The following MAGI2 variants were observed in gnomAD, a reference collection of about 807,000 sequenced individuals.
MAGI2 encodes the protein membrane associated guanylate kinase, WW and PDZ domain containing 2, also known as membrane-associated guanylate kinase, WW and PDZ domain-containing protein 2.
Under a neutral mutation model 133.3 loss-of-function variants are expected in MAGI2, and 35 were observed. The observed-to-expected ratio is 0.26, with a 90% CI of 0.20 to 0.35. The LOEUF (loss-of-function observed/expected upper bound fraction) is 0.35. Among genes scored for constraint, MAGI2 ranks in the 10% least tolerant of loss-of-function variants. The pLI is 1.00. For missense variants in MAGI2, 1,636 were observed against 1,863.4 expected, an observed-to-expected ratio of 0.88 and a Z score of 2.25; for synonymous variants, 729 against 710.6, an observed-to-expected ratio of 1.03 and a Z score of -0.41.
At chr7:78,488,640 T>C in intron 6 of MAGI2, among the ~76,000 whole-genome samples, 1 of 152,092 alleles carries the variant, frequency 6.6e-6, no homozygotes, top group East Asian at 1.9e-4. Flanking sequence ...ACAGTTGTAC[T>C]ATTATACAGA....
At chr7:79,421,536 A>T (rs1846960253) in intron 1 of MAGI2, among the ~76,000 whole-genome samples, 1 of 151,992 alleles carries the variant, frequency 6.6e-6, no homozygotes, top group African/African-American at 2.4e-5. Flanking sequence ...TACAAAAGGT[A>T]CTGCTTAATG....
intron 13 of MAGI2, among the ~76,000 whole-genome samples, chr7:78,179,497 T>C (rs1212684232): frequency 1.3e-5 from 2 of 152,206 alleles, no homozygotes; most frequent in Non-Finnish European, 2.9e-5. Flanking sequence ...ATGAAAGGCA[T>C]CATTCACTTC....
chr7:78,088,684 G>A (rs1189272321), intron 20 of MAGI2, among the ~76,000 whole-genome samples: 1 of 152,102 alleles, frequency 6.6e-6, no homozygotes, highest in African/African-American at 2.4e-5. Flanking sequence ...GAGCTGTAGC[G>A]GGAAGGAATG....
At chr7:78,979,619 A>G (rs958624310) in intron 2 of MAGI2, among the ~76,000 whole-genome samples, 14 of 151,816 alleles carry the variant, frequency 9.2e-5, no homozygotes, top group African/African-American at 3.4e-4. Flanking sequence ...TTTCTCCCAC[A>G]GTCCCTGGTT....
chr7:79,052,657 C>A (rs1324213904), intron 1 of MAGI2, among the ~76,000 whole-genome samples: 1 of 151,958 alleles, frequency 6.6e-6, no homozygotes, highest in Non-Finnish European at 1.5e-5. Flanking sequence ...ATATTAGAAA[C>A]CTAAGGTAAT....
chr7:78,636,396 G>T (rs1584922596), intron 2 of MAGI2, among the ~76,000 whole-genome samples: 2 of 134,248 alleles, frequency 1.5e-5, no homozygotes, highest in African/African-American at 2.8e-5. Flanking sequence ...TGAATATCTT[G>T]GATATAAAGG....
At chr7:78,139,296 C>T (rs1366910634) in intron 16 of MAGI2, among the ~76,000 whole-genome samples, 2 of 152,154 alleles carry the variant, frequency 1.3e-5, no homozygotes, top group African/African-American at 2.4e-5. Flanking sequence ...TGGCAGCTAA[C>T]GGCAGCCTCA....
chr7:79,117,529 T>G (rs867710737), intron 1 of MAGI2, among the ~76,000 whole-genome samples: 10 of 152,314 alleles, frequency 6.6e-5, no homozygotes, highest in Admixed American at 2.0e-4. Context: ...TGGTATTTAT[T>G]TCACAAATGG....
intron 21 of MAGI2, among the ~76,000 whole-genome samples, chr7:78,077,554 T>C (rs1256325711): frequency 8.6e-6 from 1 of 116,790 alleles, no homozygotes; most frequent in Non-Finnish European, 1.9e-5. Context: ...GCTCTCTCTG[T>C]ACGCTTTGAG....
rs138872279 is a variant in MAGI2, at chr7:78,697,051, C to T, written c.419-69812G>A. On this transcript the variant is annotated intron_variant, in intron 2 of 21. Coordinates refer to ENST00000354212, the MANE Select transcript of MAGI2 (RefSeq NM_012301.4). ...TATGTGGATCATGTATTTTTAAATG[C>T]TGTTATCACAAGGTGAAACTATAAT... is the stretch of plus-strand genomic sequence containing the variant. Among the ~76,000 whole-genome samples the T allele has an allele frequency of 2.6e-5, 4 of 152,324 alleles. No homozygotes were observed. The East Asian group carries it at 5.8e-4, about 22-fold the overall frequency.
At chr7:79,403,099 T>C (rs1015838704) in intron 1 of MAGI2, among the ~76,000 whole-genome samples, 1 of 152,214 alleles carries the variant, frequency 6.6e-6, no homozygotes, top group African/African-American at 2.4e-5. Flanking sequence ...GTACATATTA[T>C]GCACCTGAAA....
At chr7:78,135,435 G>C (rs746007566) in intron 16 of MAGI2, among the ~76,000 whole-genome samples, 4 of 152,148 alleles carry the variant, frequency 2.6e-5, no homozygotes, top group Non-Finnish European at 5.9e-5. Context: ...ACACAGACCA[G>C]GGGTTCTCAA....
chr7:79,259,177 T>C (rs992936874), intron 1 of MAGI2, among the ~76,000 whole-genome samples: 3 of 152,208 alleles, frequency 2.0e-5, no homozygotes, highest in African/African-American at 7.2e-5. Flanking sequence ...TAACAACAAA[T>C]AACAATACTT....
intron 3 of MAGI2, among the ~76,000 whole-genome samples, chr7:78,591,746 C>G (rs1485342407): frequency 6.6e-6 from 1 of 152,190 alleles, no homozygotes; most frequent in Non-Finnish European, 1.5e-5. Context: ...AGATCACAGT[C>G]AATGTCTCTA....
At chr7:79,439,681 A>C (rs1183825269) in intron 1 of MAGI2, among the ~76,000 whole-genome samples, 1 of 152,162 alleles carries the variant, frequency 6.6e-6, no homozygotes, top group South Asian at 2.1e-4. Flanking sequence ...ATGAATAATT[A>C]TTTATTCAAT....
intron 3 of MAGI2, among the ~76,000 whole-genome samples, chr7:78,535,471 T>TA (rs1332693184): frequency 6.6e-6 from 1 of 152,170 alleles, no homozygotes; most frequent in African/African-American, 2.4e-5. Context: ...CAATGAGGGA[T>TA]ATTTACAAAG....
chr7:78,375,415 T>C (rs1326240393), intron 6 of MAGI2, among the ~76,000 whole-genome samples: 2 of 152,066 alleles, frequency 1.3e-5, no homozygotes, highest in East Asian at 1.9e-4. Flanking sequence ...TAAGGTTGTA[T>C]GGAGGTCTAT....
At chr7:78,839,604 G>T (rs1341216055) in intron 2 of MAGI2, among the ~76,000 whole-genome samples, 1 of 152,028 alleles carries the variant, frequency 6.6e-6, no homozygotes, top group African/African-American at 2.4e-5. Context: ...CTCTTCACAA[G>T]ATGGCAGGAG....
intron 2 of MAGI2, among the ~76,000 whole-genome samples, chr7:78,967,745 T>C (rs1387565344): frequency 1.3e-5 from 2 of 152,086 alleles, no homozygotes; most frequent in Admixed American, 6.6e-5. Flanking sequence ...TTGATAAAAA[T>C]CAGTTTATTA....
Sources: gnomAD v4.1 joint callset for allele counts (sites outside exome capture counted in the v4.1 genomes callset) on GRCh38, gnomAD v4.1.1 for gene constraint, MANE v1.5 for transcripts, NCBI Gene and HGNC (gene_info 2026-07-23, HGNC 2026-07-21) for gene names.